LSAMP: variants seen among roughly 807,000 people sequenced by gnomAD.
The protein encoded by LSAMP is limbic system associated membrane protein, also known as limbic system-associated membrane protein.
A neutral mutation model predicts 38.6 loss-of-function variants in LSAMP; 7 were observed. That is an observed-to-expected ratio of 0.18 (90% CI 0.10 to 0.34). The LOEUF (loss-of-function observed/expected upper bound fraction) is 0.34. Among genes scored for constraint, LSAMP ranks in the 10% least tolerant of loss-of-function variants. The pLI is 1.00. For missense variants in LSAMP, 313 were observed against 420.0 expected (o/e 0.75, Z 2.23); for synonymous variants, 154 against 166.8 (o/e 0.92, Z 0.59).
chr3:116,191,402 G>C (rs1710752166), intron 1 of LSAMP, among the ~76,000 whole-genome samples: 1 of 152,114 alleles, frequency 6.6e-6, no homozygotes, highest in Middle Eastern at 3.2e-3. Context: ...GGGATCTACA[G>C]GTGGGTTTTA....
At chr3:116,029,372 A>C (rs1478340347) in intron 2 of LSAMP, among the ~76,000 whole-genome samples, 1 of 152,174 alleles carries the variant, frequency 6.6e-6, no homozygotes, top group Non-Finnish European at 1.5e-5. Context: ...AAGTAGAAAA[A>C]ATACAGAAAC....
chr3:116,265,235 T>A (rs1473895905), intron 1 of LSAMP, among the ~76,000 whole-genome samples: 1 of 151,970 alleles, frequency 6.6e-6, no homozygotes, highest in African/African-American at 2.4e-5. Context: ...CTGCTCTTCC[T>A]GAGAAAGGGT....
At chr3:115,902,962 T>C in intron 3 of LSAMP, among the ~76,000 whole-genome samples, 1 of 151,978 alleles carries the variant, frequency 6.6e-6, no homozygotes, top group East Asian at 1.9e-4. Flanking sequence ...AAGAACTACC[T>C]TCAACCAGCA....
chr3:115,995,276 G>T (rs1327688204), intron 3 of LSAMP, among the ~76,000 whole-genome samples: 1 of 152,156 alleles, frequency 6.6e-6, no homozygotes, highest in South Asian at 2.1e-4. Flanking sequence ...CCCTTCCAGA[G>T]CTTTGTTATC....
intron 2 of LSAMP, among the ~76,000 whole-genome samples, chr3:116,072,447 T>C (rs1398220669): frequency 6.6e-6 from 1 of 152,174 alleles, no homozygotes; most frequent in East Asian, 1.9e-4. Flanking sequence ...CGAATGATAT[T>C]TCTGCTTCTA....
intron 2 of LSAMP, among the ~76,000 whole-genome samples, chr3:116,029,803 C>A (rs1302641706): frequency 6.6e-6 from 1 of 152,044 alleles, no homozygotes; most frequent in Non-Finnish European, 1.5e-5. Context: ...CAGCATTTTA[C>A]TATGCTGCCT....
chr3:116,298,877 T>TATC (rs1380958729), intron 1 of LSAMP, among the ~76,000 whole-genome samples: 1 of 152,222 alleles, frequency 6.6e-6, no homozygotes, highest in Non-Finnish European at 1.5e-5. Context: ...AGACACAATC[T>TATC]ATCTTTGTAG....
At chr3:115,970,693 C>A (rs1042805382) in intron 3 of LSAMP, among the ~76,000 whole-genome samples, 1 of 152,030 alleles carries the variant, frequency 6.6e-6, no homozygotes, top group Non-Finnish European at 1.5e-5. Flanking sequence ...GATATATGTA[C>A]AAATATCTGT....
intron 3 of LSAMP, among the ~76,000 whole-genome samples, chr3:116,012,079 A>G (rs1940344777): frequency 6.6e-6 from 1 of 152,244 alleles, no homozygotes; most frequent in Non-Finnish European, 1.5e-5. Flanking sequence ...TAGATAAGCC[A>G]TATCAACACA....
chr3:116,280,608 T>A (rs1257694128), intron 1 of LSAMP, among the ~76,000 whole-genome samples: 1 of 152,206 alleles, frequency 6.6e-6, no homozygotes, highest in Non-Finnish European at 1.5e-5. Flanking sequence ...GGCCTGGGGT[T>A]TCTGAACAAA....
intron 3 of LSAMP, among the ~76,000 whole-genome samples, chr3:115,984,872 T>C (rs1045209737): frequency 1.1e-4 from 16 of 152,192 alleles, no homozygotes; most frequent in Non-Finnish European, 2.4e-4. Context: ...GTAAAATGAT[T>C]GGCATGTACG....
chr3:116,367,759 T>C (rs1390799208), intron 1 of LSAMP, among the ~76,000 whole-genome samples: 6 of 152,092 alleles, frequency 3.9e-5, no homozygotes, highest in African/African-American at 1.4e-4. Flanking sequence ...TCCACCTGCC[T>C]CAGCCTCCCA....
chr3:116,174,333 A>G (rs1335996331), intron 1 of LSAMP, among the ~76,000 whole-genome samples: 1 of 151,968 alleles, frequency 6.6e-6, no homozygotes, highest in Non-Finnish European at 1.5e-5. Context: ...ATCTTTGGGA[A>G]GCAGCCGCCA....
At chr3:115,820,719 C>A (rs564651678) in intron 6 of LSAMP, among the ~76,000 whole-genome samples, 1 of 152,254 alleles carries the variant, frequency 6.6e-6, no homozygotes, top group South Asian at 2.1e-4. Context: ...AGTAGATATG[C>A]TGAAGAAATA....
At chr3:116,421,045 T>C (rs961692154) in intron 1 of LSAMP, among the ~76,000 whole-genome samples, 2 of 152,292 alleles carry the variant, frequency 1.3e-5, no homozygotes, top group Admixed American at 6.5e-5. Flanking sequence ...AAATGGATCA[T>C]AGACCCAAAT....
rs1187792481 is a variant in LSAMP at position 115,924,895 on chromosome 3, A to T, written c.515-72278T>A. Among the ~76,000 whole-genome samples, 3 of 152,198 alleles carry T rather than the reference A, an allele frequency of 2.0e-5. No homozygotes were observed. The East Asian group carries it at 5.8e-4, about 29-fold the overall frequency. ...GCTAGAAAATCCCCTACACTTTGAC[A>T]GGCCCTGCTCTGGCCTTTCTCTTGC... On this transcript the variant is annotated intron_variant, in intron 3 of 6. Transcript: ENST00000490035.
chr3:116,143,740 ATTTG>A (rs1052580880), intron 1 of LSAMP, among the ~76,000 whole-genome samples: 5 of 151,810 alleles, frequency 3.3e-5, no homozygotes, highest in Admixed American at 1.3e-4. Context: ...TAGCTTCTGA[ATTTG>A]TTTATCTTCT....
At chr3:116,432,128 T>TATAAGAGGCA (rs1220989570) in intron 1 of LSAMP, among the ~76,000 whole-genome samples, 6 of 151,910 alleles carry the variant, frequency 3.9e-5, no homozygotes, top group Non-Finnish European at 8.8e-5. Context: ...GTGATGCCTC[T>TATAAGAGGCA]TATATATCGT....
At chr3:116,368,899 G>A (rs886590624) in intron 1 of LSAMP, among the ~76,000 whole-genome samples, 2 of 152,128 alleles carry the variant, frequency 1.3e-5, no homozygotes, top group African/African-American at 2.4e-5. Flanking sequence ...TCATGGCTAA[G>A]AAGTTAGAAT....
Sources: gnomAD v4.1 joint callset for allele counts (sites outside exome capture counted in the v4.1 genomes callset) on GRCh38, gnomAD v4.1.1 for gene constraint, MANE v1.5 for transcripts, NCBI Gene and HGNC (gene_info 2026-07-23, HGNC 2026-07-21) for gene names.